The following NRN1 variants were observed in gnomAD, a reference collection of about 807,000 sequenced individuals.
NRN1 encodes the protein neuritin 1, also known as neuritin.
In NRN1, 4 loss-of-function variants were observed where a neutral mutation model predicts 15.0. The observed-to-expected ratio is 0.27, with a 90% confidence interval of 0.13 to 0.61. NRN1 has a LOEUF of 0.61. Ranked by LOEUF, NRN1 falls within the 20% of genes least tolerant of loss-of-function variation. The pLI, the probability that NRN1 is intolerant of heterozygous loss-of-function variation, is 0.87. For synonymous variants in NRN1, 85 were observed against 79.8 expected (o/e 1.07, Z -0.35); for missense variants, 134 against 181.9 (o/e 0.74, Z 1.51).
chr6:6,002,695 G>T, intron 1 of NRN1, 198 bp from the exon 2 acceptor site: 1 of 681,216 alleles, frequency 1.5e-6, no homozygotes, highest in Non-Finnish European at 2.4e-6. Context: ...CTAACGCTGC[G>T]TCTAGTGCAA....
Position 5,998,779 on chromosome 6 carries a change from T to C in NRN1, c.*197A>G, listed in dbSNP as rs1313318586. ...TTGGCTGTGCTTGCTTGCTCACTGA[T>C]TGGTAACATTTGGCAAATAAAACAC... is the stretch of plus-strand genomic sequence containing the variant. On this transcript the variant is annotated 3_prime_UTR_variant, in exon 3 of 3. Transcript: ENST00000244766. 1.7e-6 allele frequency: 1 copy of C among 587,794 alleles called. No individual in the cohort carries two copies. Among genetic ancestry groups the C allele is most frequent in the South Asian group, 2.2e-5 (1 of 46,484 alleles). 36.4% of individuals were successfully genotyped at this position (587,794 alleles called of 1,614,324 possible).
intron 1 of NRN1, chr6:6,003,167 A>G: frequency 8.1e-7 from 1 of 1,232,158 alleles, no homozygotes; most frequent in Non-Finnish European, 1.0e-6. Flanking sequence ...CCGATTGCCT[A>G]CCGTGGACTC....
chr6:6,003,088 G>A, intron 1 of NRN1: 1 of 796,960 alleles, frequency 1.3e-6, no homozygotes, highest in African/African-American at 1.8e-5. Context: ...AAACACTGCT[G>A]AATGAATGAA....
chr6:6,006,759 A>T lies in NRN1; in HGVS notation c.-10T>A. 2 of 1,614,026 alleles carry T rather than the reference A, an allele frequency of 1.2e-6. No homozygotes were observed. Among genetic ancestry groups the T allele is most frequent in the Non-Finnish European group, 1.7e-6 (2 of 1,179,872 alleles). ...TCAACTTAAGTCCCATCCTACGTTT[A>T]GTCAAACCATTTGCGACCGCAGACC... On this transcript the variant is annotated 5_prime_UTR_variant, in exon 1 of 3. Coordinates refer to ENST00000244766, the MANE Select transcript of NRN1 (RefSeq NM_016588.3).
At chr6:6,003,628 T>TCCAAGCC (rs1227984573) in intron 1 of NRN1, 70 of 1,009,404 alleles carry the variant, frequency 6.9e-5, no homozygotes, top group Non-Finnish European at 8.7e-5. Flanking sequence ...CGCACGAAGG[T>TCCAAGCC]CCAAGCCCCA....
At chr6:6,003,853 C>A (rs1758035330) in intron 1 of NRN1, 1 of 1,232,914 alleles carries the variant, frequency 8.1e-7, no homozygotes, top group African/African-American at 1.6e-5. Flanking sequence ...AAGGGTGAAT[C>A]TCAGAATCGA....
At chr6:6,005,502 G>T (rs1561905452) in intron 1 of NRN1, among the ~76,000 whole-genome samples, 1 of 152,086 alleles carries the variant, frequency 6.6e-6, no homozygotes, top group Non-Finnish European at 1.5e-5. Flanking sequence ...CCACTGCAAA[G>T]AATCCATTTT....
chr6:6,002,813 C>A, intron 1 of NRN1: 1 of 436,956 alleles, frequency 2.3e-6, no homozygotes, highest in East Asian at 3.8e-5. Context: ...TTTCCATCGC[C>A]CCCTCTTCTC....
At chr6:6,003,868 C>T in intron 1 of NRN1, 1 of 1,232,026 alleles carries the variant, frequency 8.1e-7, no homozygotes, top group Non-Finnish European at 1.0e-6. Context: ...AATCGAAATC[C>T]GCACTGGCGC....
Position 6,002,380 on chromosome 6 carries a change from T to C in NRN1, c.173A>G (p.Asp58Gly), listed in dbSNP as rs753927559. 1 of 1,614,220 alleles carries C rather than the reference T, an allele frequency of 6.2e-7. No homozygotes were observed. The highest frequency in any genetic ancestry group is 8.5e-7 in the Non-Finnish European group (1 of 1,180,014). The change falls in exon 2 of 3, where the codon GAC becomes GGC. Residue 58 changes from aspartate to glycine, a missense_variant. Asp to Gly is a moderately conservative substitution (Grantham distance 94, BLOSUM62 -1). Coordinates refer to ENST00000244766, the MANE Select transcript of NRN1 (RefSeq NM_016588.3). ...GCACACGGTCTTGATGTTCGTCTTG[T>C]CGTCCAGGCCCTGCGGGTAGTTGGC... ...SMANYPQGLDDKTNIKTVCTY... is the reference protein window; with the variant it reads ...SMANYPQGLDGKTNIKTVCTY...
chr6:6,006,971 G>T, upstream of NRN1: 1 of 373,476 alleles, frequency 2.7e-6, no homozygotes, highest in Non-Finnish European at 5.0e-6. Flanking sequence ...GAGGGGGGGG[G>T]GAGAGCTGGG....
rs746928727 is a variant in NRN1, at chr6:6,006,725, A to ATCTGCC, written c.19_24dup (p.Gly7_Arg8dup). 6.2e-7 allele frequency: 1 copy of ATCTGCC among 1,614,100 alleles called. No individual in the cohort carries two copies. The highest frequency in any genetic ancestry group is 8.5e-7 in the Non-Finnish European group (1 of 1,179,974). ...TGCACCGCGAGGATCAGTGAAATATATCTGCCGTTCAACTTAAGTCCCATC... is the reference window on the plus strand; with the variant it reads ...TGCACCGCGAGGATCAGTGAAATATATCTGCCTCTGCCGTTCAACTTAAGTCCCATC... On this transcript the variant is annotated inframe_insertion, in exon 1 of 3. Transcript: ENST00000244766.
At chr6:6,002,924 C>G in intron 1 of NRN1, 1 of 395,220 alleles carries the variant, frequency 2.5e-6, no homozygotes, top group Non-Finnish European at 4.5e-6. Flanking sequence ...TGCGATCTTC[C>G]ATTTTGAGGT....
intron 1 of NRN1, among the ~76,000 whole-genome samples, chr6:6,004,230 G>A (rs1245358201): frequency 6.6e-6 from 1 of 152,182 alleles, no homozygotes; most frequent in Non-Finnish European, 1.5e-5. Context: ...AAATACCCTT[G>A]CGACTACAAT....
intron 1 of NRN1, chr6:6,003,821 C>G: frequency 8.1e-7 from 1 of 1,233,794 alleles, no homozygotes; most frequent in Non-Finnish European, 1.0e-6. Context: ...GCCAGAGAAG[C>G]ACAGCGTTAG....
intron 1 of NRN1, chr6:6,003,321 C>A (rs963955994): frequency 4.5e-6 from 5 of 1,118,044 alleles, no homozygotes; most frequent in Non-Finnish European, 5.7e-6. Flanking sequence ...GATGAGTCTG[C>A]CTGGGTCACC....
intron 1 of NRN1, 129 bp downstream of exon 1, chr6:6,006,566 A>T: frequency 1.3e-6 from 1 of 793,280 alleles, no homozygotes; most frequent in Non-Finnish European, 2.2e-6. Context: ...TGATGCCCCC[A>T]CCCTCGGGGG....
upstream of NRN1, chr6:6,007,518 T>C (rs1164123010): frequency 6.5e-6 from 1 of 153,084 alleles, no homozygotes; most frequent in Admixed American, 6.5e-5. Context: ...AGCTGAGCTC[T>C]GGGCGCAGCC....
upstream of NRN1, chr6:6,007,032 C>A (rs1398787180): frequency 1.1e-5 from 5 of 437,210 alleles, no homozygotes; most frequent in Admixed American, 1.2e-4. Flanking sequence ...CTCACGCCCA[C>A]GAGCAGGCCT....
Sources: allele counts gnomAD v4.1 joint callset (sites outside exome capture counted in the v4.1 genomes callset), GRCh38; gene constraint gnomAD v4.1.1; transcripts MANE v1.5; gene names NCBI Gene and HGNC (gene_info 2026-07-23, HGNC 2026-07-21).